P2RX7: variants seen among roughly 807,000 people sequenced by gnomAD.
P2RX7 encodes the protein purinergic receptor P2X 7.
A neutral mutation model predicts 71.6 loss-of-function variants in P2RX7; 62 were observed. The observed-to-expected ratio is 0.87, with a 90% CI of 0.71 to 1.07. The LOEUF is 1.07. Among genes scored for constraint, P2RX7 ranks in the 50% least tolerant of loss-of-function variants. The pLI is 0.00. For synonymous variants in P2RX7, 299 were observed against 283.3 expected (o/e 1.06, Z -0.56); for missense variants, 686 against 748.5 (o/e 0.92, Z 0.97).
chr12:121,160,706 C>G (rs1879496733), intron 3 of P2RX7, among the ~76,000 whole-genome samples, 196 bp from the exon 4 acceptor site: 2 of 152,206 alleles, frequency 1.3e-5, no homozygotes, highest in Admixed American at 6.5e-5. Context: ...AAATAAGATT[C>G]TGTGTATGAA....
At chr12:121,183,236 A>AT (rs1446464713) in intron 12 of P2RX7, among the ~76,000 whole-genome samples, 1 of 151,474 alleles carries the variant, frequency 6.6e-6, no homozygotes, top group Non-Finnish European at 1.5e-5. Context: ...TATTTTTAAC[A>AT]TTTTTTATTT....
Position 121,177,337 on chromosome 12 carries a change from G to A in P2RX7, c.1079G>A (p.Ser360Asn), listed in dbSNP as rs1372390997. ...GACTTCCTCATCGACACTTACTCCA[G>A]TAACTGCTGTCGCTCCCATATTTAT... ...FIDFLIDTYS[S>N]NCCRSHIYPW... Residue 360 changes from serine to asparagine, a missense_variant, in exon 11 of 13, where the codon AGT (serine) becomes AAT (asparagine). By Grantham distance (46) the Ser-to-Asn change is conservative (BLOSUM62 1). Transcript: ENST00000328963. The A allele has an allele frequency of 1.9e-6, 3 of 1,613,914 alleles. No homozygotes were observed. The East Asian group carries it at 6.7e-5, about 36-fold the overall frequency.
In P2RX7 at chr12:121,160,940, T is replaced by C; in HGVS notation, c.402T>C (p.Gly134=). The change falls in exon 4 of 13, where the codon GGT becomes GGC. Residue 134 remains glycine (G), a synonymous_variant. Transcript: ENST00000328963. ...GGACGCTCTGTTCCTCTGACCGAGG[T>C]TGTAAAAAGGGATGGATGGACCCGC... ...TRRTLCSSDR[G]CKKGWMDPQS... The C allele has an allele frequency of 6.2e-7, 1 of 1,614,048 alleles. No individual in the cohort carries two copies.
At position 121,177,345 on chromosome 12, in the gene P2RX7, T is replaced by G. The variant is rs760867242; in HGVS notation, c.1087T>G (p.Cys363Gly). ...FLIDTYSSNC[C>G]RSHIYPWCKC... Reference sequence around the variant, plus strand: ...CATCGACACTTACTCCAGTAACTGCTGTCGCTCCCATATTTATCCCTGGTG... The same window carrying G: ...CATCGACACTTACTCCAGTAACTGCGGTCGCTCCCATATTTATCCCTGGTG... The change falls in exon 11 of 13, where the codon TGT becomes GGT. Residue 363 changes from cysteine to glycine, a missense_variant. Physicochemically the swap from Cys to Gly is radical, Grantham distance 159. Coordinates refer to ENST00000328963, the MANE Select transcript of P2RX7 (RefSeq NM_002562.6). 11 of 1,614,022 alleles carry G rather than the reference T, an allele frequency of 6.8e-6. No homozygotes were observed. The South Asian group carries it at 1.1e-4, about 16-fold the overall frequency.
rs1235744655 is a variant in P2RX7, at chr12:121,149,921, C to G, written c.126-4864C>G. The stretch of plus-strand genomic sequence containing the variant: ...GAAATCCCTAGGTCCTTCACACTCC[C>G]GTTAGCTCCAGGTACCAGCGGCTTT... On this transcript the variant is annotated intron_variant, in intron 1 of 12. Coordinates refer to ENST00000328963, the MANE Select transcript of P2RX7 (RefSeq NM_002562.6). The surrounding 1 kb of genome is among the most constrained non-coding windows in gnomAD (Gnocchi z 4.7). Among the ~76,000 whole-genome samples the G allele has an allele frequency of 6.6e-6, 1 of 152,128 alleles. No homozygotes were observed. The highest frequency in any genetic ancestry group is 6.6e-5 in the Admixed American group (1 of 15,264).
At chr12:121,179,721 A>C (rs1439237953) in intron 11 of P2RX7, among the ~76,000 whole-genome samples, 1 of 152,228 alleles carries the variant, frequency 6.6e-6, no homozygotes, top group Non-Finnish European at 1.5e-5. Context: ...CAATAGTACA[A>C]ATTTCTGGAG....
intron 1 of P2RX7, among the ~76,000 whole-genome samples, chr12:121,138,508 A>C (rs1024881014): frequency 6.6e-6 from 1 of 152,370 alleles, no homozygotes; most frequent in African/African-American, 2.4e-5. Flanking sequence ...CTCCCGTAGC[A>C]GGAAGTAGGG....
intron 1 of P2RX7, among the ~76,000 whole-genome samples, chr12:121,151,448 G>A (rs529568639): frequency 1.5e-4 from 23 of 151,936 alleles, no homozygotes; most frequent in African/African-American, 4.6e-4. Flanking sequence ...GGTTGGTTTC[G>A]AACCCAGGAC....
chr12:121,169,943 G>A (rs567251170), intron 8 of P2RX7, among the ~76,000 whole-genome samples: 1 of 151,994 alleles, frequency 6.6e-6, no homozygotes, highest in East Asian at 1.9e-4. Flanking sequence ...AGTATCAGTG[G>A]TCCTATTTAG....
chr12:121,158,722 G>A (rs1044493426), intron 3 of P2RX7, among the ~76,000 whole-genome samples: 5 of 151,712 alleles, frequency 3.3e-5, no homozygotes, highest in African/African-American at 1.2e-4. Flanking sequence ...CAAAACTAAT[G>A]TGCTGTTTTT....
intron 1 of P2RX7, among the ~76,000 whole-genome samples, chr12:121,145,448 GA>G (rs1219791624): frequency 1.3e-5 from 2 of 152,066 alleles, no homozygotes; most frequent in African/African-American, 4.8e-5. Context: ...GTGGGTAGAG[GA>G]GTGAGTGAAT....
intron 1 of P2RX7, among the ~76,000 whole-genome samples, chr12:121,153,572 G>C (rs2136037726): frequency 6.6e-6 from 1 of 152,242 alleles, no homozygotes; most frequent in East Asian, 1.9e-4. Context: ...CAGCTACTCG[G>C]AAGGCTGAGG....
At position 121,152,945 on chromosome 12, in the gene P2RX7, G is replaced by T. The variant is rs1344321739; in HGVS notation, c.126-1840G>T. Among the ~76,000 whole-genome samples, 3 of 152,168 alleles carry T rather than the reference G, an allele frequency of 2.0e-5. No individual in the cohort carries two copies. The East Asian group carries it at 5.8e-4, about 29-fold the overall frequency. ...AACATTCTTGTCCATAGCTCCTCCG[G>T]CACATGTACAAGAGCTTCTCTAGGG... On this transcript the variant is annotated intron_variant, in intron 1 of 12. Transcript: ENST00000328963.
At chr12:121,155,221 T>C in intron 2 of P2RX7, 1 of 1,411,308 alleles carries the variant, frequency 7.1e-7, no homozygotes. Flanking sequence ...TCACTCGCGC[T>C]TGATTTACCC....
Position 121,154,575 on chromosome 12 carries a change from A to T in P2RX7, c.126-210A>T, listed in dbSNP as rs2136041951. On this transcript the variant is annotated intron_variant, in intron 1 of 12. Coordinates refer to ENST00000328963, the MANE Select transcript of P2RX7 (RefSeq NM_002562.6). The surrounding 1 kb of genome is among the most constrained non-coding windows in gnomAD (Gnocchi z 4.2). ...CTATGTGCCAGATACTGGGCAAAGG[A>T]GTCTGCAGACGTCTCTCATTTCATC... is the stretch of plus-strand genomic sequence containing the variant. Among the ~76,000 whole-genome samples the T allele has an allele frequency of 6.6e-6, 1 of 152,306 alleles. No individual in the cohort carries two copies. Among genetic ancestry groups the T allele is most frequent in the South Asian group, 2.1e-4 (1 of 4,824 alleles).
intron 11 of P2RX7, among the ~76,000 whole-genome samples, chr12:121,179,614 A>G (rs1485895193): frequency 6.6e-6 from 1 of 152,176 alleles, no homozygotes. Context: ...TGCATTCACA[A>G]TTTGAAATAA....
chr12:121,173,018 T>C (rs1882483141), intron 8 of P2RX7, among the ~76,000 whole-genome samples: 1 of 152,202 alleles, frequency 6.6e-6, no homozygotes, highest in Non-Finnish European at 1.5e-5. Flanking sequence ...TTAAGCCTCC[T>C]TAATTATTCT....
intron 8 of P2RX7, among the ~76,000 whole-genome samples, chr12:121,172,928 T>C (rs1244123986): frequency 2.0e-5 from 3 of 147,536 alleles, no homozygotes; most frequent in Non-Finnish European, 1.5e-5. Flanking sequence ...TAAACATGTA[T>C]ATGTAACTTT....
chr12:121,146,187 C>A (rs1204873015), intron 1 of P2RX7, among the ~76,000 whole-genome samples: 1 of 151,976 alleles, frequency 6.6e-6, no homozygotes, highest in Non-Finnish European at 1.5e-5. Context: ...TTCAAACTCA[C>A]AGCCCCCATC....
Sources: allele counts gnomAD v4.1 joint callset (sites outside exome capture counted in the v4.1 genomes callset), GRCh38; gene constraint gnomAD v4.1.1; non-coding constraint Gnocchi (gnomAD v3.1); transcripts MANE v1.5; gene names NCBI Gene and HGNC (gene_info 2026-07-23, HGNC 2026-07-21).